Variants in TENM2 observed in about 807,000 individuals in gnomAD.
The protein encoded by TENM2 is teneurin transmembrane protein 2.
Under a neutral mutation model 245.2 loss-of-function variants are expected in TENM2, and 52 were observed. The ratio of observed to expected loss-of-function variants is 0.21; its 90% CI spans 0.17 to 0.27. The LOEUF is 0.27. Ranked by LOEUF, TENM2 falls within the 10% of genes least tolerant of loss-of-function variation. TENM2 has a pLI of 1.00. For synonymous variants in TENM2, 1,363 were observed against 1,438.9 expected (o/e 0.95, Z 1.19); for missense variants, 3,046 against 3,666.8 (o/e 0.83, Z 4.37).
At chr5:167,579,996 A>G (rs982372604) in intron 2 of TENM2, among the ~76,000 whole-genome samples, 6 of 152,240 alleles carry the variant, frequency 3.9e-5, no homozygotes, top group African/African-American at 1.4e-4. Context: ...GGAGGCCAAA[A>G]TACAAGTTTT....
At chr5:167,418,943 C>A (rs936057006) in intron 2 of TENM2, among the ~76,000 whole-genome samples, 21 of 151,950 alleles carry the variant, frequency 1.4e-4, no homozygotes, top group African/African-American at 5.1e-4. Context: ...ATGATTGCTT[C>A]AAGATAGTTT....
At chr5:168,063,028 A>G (rs576529270) in intron 7 of TENM2, among the ~76,000 whole-genome samples, 2 of 152,232 alleles carry the variant, frequency 1.3e-5, no homozygotes, top group Non-Finnish European at 2.9e-5. Context: ...TATGAATTTT[A>G]TCTCCAAAAA....
rs1026917036 is a variant in TENM2 at position 168,199,444 on chromosome 5, G to A, written c.3162+330G>A. 7.9e-5 allele frequency among the ~76,000 whole-genome samples: 12 copies of A among 152,134 alleles called. No individual in the cohort carries two copies. In the East Asian group the frequency reaches 1.2e-3, roughly 15 times the overall value. On this transcript the variant is annotated intron_variant, in intron 16 of 28. Transcript: ENST00000518659. ...AAGAGGCGCTTTAATGATCTACATC[G>A]GTGTTACGACAGAGGGCATATTACA...
chr5:167,178,101 C>T, the TENM2 span, among the ~76,000 whole-genome samples: 1 of 152,130 alleles, frequency 6.6e-6, no homozygotes, highest in Non-Finnish European at 1.5e-5. Context: ...ACATATTATT[C>T]CCTAAGTCCA....
At chr5:167,131,392 C>A in the TENM2 span, among the ~76,000 whole-genome samples, 2 of 152,196 alleles carry the variant, frequency 1.3e-5, no homozygotes, top group African/African-American at 4.8e-5. Context: ...GAATTTGCTA[C>A]CTGTCCAGAT....
At chr5:167,794,956 C>T (rs917690590) in intron 2 of TENM2, among the ~76,000 whole-genome samples, 1 of 152,196 alleles carries the variant, frequency 6.6e-6, no homozygotes, top group African/African-American at 2.4e-5. Flanking sequence ...GTGAAGGTTT[C>T]TAGTGAACTC....
chr5:168,001,099 G>A (rs1239761954), intron 5 of TENM2, among the ~76,000 whole-genome samples: 1 of 152,214 alleles, frequency 6.6e-6, no homozygotes, highest in Non-Finnish European at 1.5e-5. Flanking sequence ...TGTACCAGTT[G>A]TGGAAGGTGT....
intron 3 of TENM2, among the ~76,000 whole-genome samples, chr5:167,928,918 A>AG (rs1777981667): frequency 1.5e-5 from 2 of 136,190 alleles, no homozygotes; most frequent in African/African-American, 2.9e-5. Flanking sequence ...AAAAAAAAGA[A>AG]GAAGAAAGAA....
At chr5:167,468,688 A>T (rs1403972812) in intron 2 of TENM2, among the ~76,000 whole-genome samples, 1 of 152,216 alleles carries the variant, frequency 6.6e-6, no homozygotes, top group Non-Finnish European at 1.5e-5. Context: ...CCAACCATCA[A>T]ATACCAATAT....
chr5:168,046,194 G>A (rs937935726), intron 5 of TENM2, among the ~76,000 whole-genome samples: 13 of 152,174 alleles, frequency 8.5e-5, no homozygotes, highest in Non-Finnish European at 1.8e-4. Context: ...CGTGGTGGTA[G>A]GCATGCAGAA....
intron 3 of TENM2, 46 bp downstream of exon 5, chr5:167,876,241 A>T (rs1336640160): frequency 6.9e-7 from 1 of 1,447,484 alleles, no homozygotes. Flanking sequence ...TTCGTGAGTG[A>T]CATTCTTGAT....
chr5:167,772,506 G>A (rs1340827680), intron 2 of TENM2, among the ~76,000 whole-genome samples: 7 of 152,124 alleles, frequency 4.6e-5, no homozygotes, highest in Middle Eastern at 3.2e-3. Flanking sequence ...GGTTTCCCTG[G>A]GGAAAGGGTA....
rs189620185 is a variant in TENM2 at position 167,885,747 on chromosome 5, G to A, written c.712+9552G>A. ...TGGCCAGGCTAGAGTGCAATGGCAT[G>A]GTCTTGGCTCACTGCAACCTCCGTC... On this transcript the variant is annotated intron_variant, in intron 3 of 28. Transcript: ENST00000518659. Among the ~76,000 whole-genome samples, 22 of 152,264 alleles carry A rather than the reference G, an allele frequency of 1.4e-4. No individual in the cohort carries two copies. In the East Asian group the frequency reaches 4.1e-3, roughly 28 times the overall value.
intron 2 of TENM2, among the ~76,000 whole-genome samples, chr5:167,462,184 C>G (rs1005469056): frequency 2.6e-5 from 1 of 38,062 alleles, no homozygotes; most frequent in African/African-American, 6.8e-5. Context: ...GACCCCCACC[C>G]CCCCCCCCCA....
intron 1 of TENM2, among the ~76,000 whole-genome samples, chr5:167,346,033 G>T (rs1260898412): frequency 1.3e-5 from 2 of 152,272 alleles, no homozygotes; most frequent in South Asian, 4.2e-4. Context: ...CATTTTGCCA[G>T]GGGTGGGACA....
At chr5:168,115,406 A>AAGGAAGGG (rs1554200368) in intron 9 of TENM2, among the ~76,000 whole-genome samples, 38 of 101,096 alleles carry the variant, frequency 3.8e-4, no homozygotes, top group South Asian at 6.9e-4. Flanking sequence ...GGAAGGAAGG[A>AAGGAAGGG]AGGGAAAGGA....
At chr5:167,536,292 A>C (rs953936589) in intron 2 of TENM2, among the ~76,000 whole-genome samples, 7 of 152,196 alleles carry the variant, frequency 4.6e-5, no homozygotes, top group African/African-American at 1.7e-4. Context: ...ACTCTAAAAA[A>C]AAAGACCCAA....
chr5:167,959,196 T>A (rs1481479748), intron 4 of TENM2, among the ~76,000 whole-genome samples: 5 of 150,508 alleles, frequency 3.3e-5, no homozygotes, highest in Non-Finnish European at 7.4e-5. Context: ...TTCTTTTTTT[T>A]TTTTTTTTCT....
chr5:167,155,244 T>C, the TENM2 span, among the ~76,000 whole-genome samples: 1 of 152,354 alleles, frequency 6.6e-6, no homozygotes, highest in South Asian at 2.1e-4. Context: ...TAAGATATCA[T>C]TATGCTTTAT....
Sources: allele counts gnomAD v4.1 joint callset (sites outside exome capture counted in the v4.1 genomes callset), GRCh38; gene constraint gnomAD v4.1.1; transcripts MANE v1.5; gene names NCBI Gene and HGNC (gene_info 2026-07-23, HGNC 2026-07-21).